Variants in MED16 observed in about 807,000 individuals in gnomAD.
MED16 encodes mediator of RNA polymerase II transcription subunit 16.
Under a neutral mutation model 84.4 loss-of-function variants are expected in MED16, and 81 were observed. The observed-to-expected ratio is 0.96, with a 90% CI of 0.80 to 1.15. The LOEUF is 1.15. MED16 is among the 50% of genes most tolerant of loss of function. MED16 has a pLI of 0.00. For synonymous variants in MED16, 897 were observed against 552.2 expected (o/e 1.62, Z -8.76); for missense variants, 1,585 against 1,245.9 (o/e 1.27, Z -4.10).
At chr19:873,718 G>A (rs1029273116) in intron 10 of MED16, 136 bp from the exon 11 acceptor site, 2 of 1,047,882 alleles carry the variant, frequency 1.9e-6, no homozygotes, top group East Asian at 5.0e-5. Context: ...CCGGGAACGA[G>A]AAGGGGGCGA....
chr19:872,680 T>A (rs887767110), intron 11 of MED16, among the ~76,000 whole-genome samples: 1 of 150,544 alleles, frequency 6.6e-6, no homozygotes, highest in Non-Finnish European at 1.5e-5. Context: ...GTTGGAGCCC[T>A]GGTCAGGGGC....
intron 7 of MED16, among the ~76,000 whole-genome samples, chr19:880,626 G>A (rs1286197502): frequency 6.6e-6 from 1 of 152,226 alleles, no homozygotes; most frequent in Non-Finnish European, 1.5e-5. Context: ...CCCTGCAGTA[G>A]AGAGGCTGCA....
intron 8 of MED16, among the ~76,000 whole-genome samples, chr19:879,162 A>C: frequency 9.0e-6 from 1 of 111,512 alleles, no homozygotes; most frequent in African/African-American, 3.6e-5. Context: ...GTGCCCCAGC[A>C]GCTCGCCTTC....
chr19:871,303 C>A lies in MED16; in HGVS notation c.2099-50G>T, dbSNP rs772624083. On this transcript the variant is annotated intron_variant, in intron 12 of 15. Coordinates refer to ENST00000325464, the MANE Select transcript of MED16 (RefSeq NM_005481.3). The stretch of plus-strand genomic sequence containing the variant: ...TCAGCACCCCTGACTGGGGCACCGC[C>A]CGGCCACCCGGGACGTGCTGGGAGC... 99 of 1,492,074 alleles carry A rather than the reference C, an allele frequency of 6.6e-5. No individual in the cohort carries two copies. The South Asian group carries it at 1.2e-3, about 18-fold the overall frequency. 92.4% of individuals were successfully genotyped at this position (1,492,074 alleles called of 1,614,324 possible). A position where few individuals can be genotyped will look rare whatever the true frequency, so the allele number is the denominator to read the frequency against.
chr19:872,179 G>A lies in MED16; in HGVS notation c.1906-61C>T, dbSNP rs533543556. The A allele has an allele frequency of 9.5e-5, 139 of 1,457,694 alleles. 2 individuals are homozygous for A. The South Asian group carries it at 1.1e-3, about 12-fold the overall frequency. 90.3% of individuals were successfully genotyped at this position (1,457,694 alleles called of 1,614,324 possible). A position where few individuals can be genotyped will look rare whatever the true frequency, so the allele number is the denominator to read the frequency against. On this transcript the variant is annotated intron_variant, in intron 11 of 15. Transcript: ENST00000325464. ...GGGGGGCAGATGGCGATGGGATGAA[G>A]TGTCTTGGGGTCGGTGGAACCCCGA...
At chr19:889,990 G>A in intron 3 of MED16, 147 bp downstream of exon 3, 1 of 829,898 alleles carries the variant, frequency 1.2e-6, no homozygotes, top group South Asian at 1.7e-5. Context: ...AATGATTCGG[G>A]CCACTATGGA....
chr19:876,893 CGGGGCCCCACCTGCCACG>C, intron 9 of MED16, 63 bp downstream of exon 9: 1 of 1,358,010 alleles, frequency 7.4e-7, no homozygotes, highest in South Asian at 1.4e-5. Flanking sequence ...CCACCTGCCA[CGGGGCCCCACCTGCCACG>C]GGGCCCCCAC....
rs746325955 is a variant in MED16 at position 870,621 on chromosome 19, G to C, written c.2315+416C>G. On this transcript the variant is annotated intron_variant, in intron 13 of 15. Transcript: ENST00000325464. ...ATGGAAGGGCTGGGTGCCCGTGTTGGGGGTGGTTCGTGACACAGCAGAAGA... is the reference window on the plus strand; with the variant it reads ...ATGGAAGGGCTGGGTGCCCGTGTTGCGGGTGGTTCGTGACACAGCAGAAGA... Among the ~76,000 whole-genome samples, 9 of 151,894 alleles carry C rather than the reference G, an allele frequency of 5.9e-5. 1 individual carries two copies. Among genetic ancestry groups the C allele is most frequent in the Admixed American group, 5.9e-4 (9 of 15,246 alleles).
At chr19:871,523 T>A in intron 12 of MED16, 1 of 1,562,130 alleles carries the variant, frequency 6.4e-7, no homozygotes, top group South Asian at 1.2e-5. Context: ...CTGTGCCTTT[T>A]CCAGACACTG....
chr19:868,785 G>C (rs372479505), intron 14 of MED16, 78 bp downstream of exon 14: 74 of 1,427,084 alleles, frequency 5.2e-5, no homozygotes, highest in Admixed American at 6.4e-5. Flanking sequence ...CGTCTGGAGC[G>C]CTGGGTGGGG....
intron 11 of MED16, among the ~76,000 whole-genome samples, 154 bp from the exon 12 acceptor site, chr19:872,272 TG>T (rs1403185055): frequency 2.0e-5 from 3 of 151,552 alleles, no homozygotes; most frequent in Non-Finnish European, 4.4e-5. Flanking sequence ...TGGCACCGAG[TG>T]GGTGGATGCC....
chr19:886,430 G>A (rs2036529724), intron 4 of MED16, among the ~76,000 whole-genome samples: 1 of 152,250 alleles, frequency 6.6e-6, no homozygotes, highest in African/African-American at 2.4e-5. Flanking sequence ...AGGACAGTGG[G>A]GAGGATTAAA....
intron 13 of MED16, among the ~76,000 whole-genome samples, chr19:870,564 G>C (rs1369723325): frequency 2.5e-5 from 2 of 80,476 alleles, no homozygotes; most frequent in East Asian, 2.4e-4. Flanking sequence ...CTGTCGGGGA[G>C]ACAAAAAAAA....
At chr19:876,876 G>T (rs996917816) in intron 9 of MED16, 98 bp downstream of exon 9, 20 of 1,256,154 alleles carry the variant, frequency 1.6e-5, no homozygotes, top group Non-Finnish European at 2.0e-5. Flanking sequence ...CACCTGCCAC[G>T]GGGCCCCCAC....
rs543948341 is a variant in MED16 at position 891,469 on chromosome 19, G to A, written c.-18-320C>T. 7.4e-4 allele frequency among the ~76,000 whole-genome samples: 112 copies of A among 152,330 alleles called. No individual in the cohort carries two copies. In the Middle Eastern group the frequency reaches 0.01, roughly 14 times the overall value. ...CAAGGGCACAGCCGGGAGACGCAGC[G>A]GAGGGTCTGCGCTGGCCCAGGTGAG... is the stretch of plus-strand genomic sequence containing the variant. On this transcript the variant is annotated intron_variant, in intron 1 of 15. Coordinates refer to ENST00000325464, the MANE Select transcript of MED16 (RefSeq NM_005481.3).
chr19:887,327 G>A (rs2036546825), intron 4 of MED16, among the ~76,000 whole-genome samples: 1 of 152,152 alleles, frequency 6.6e-6, no homozygotes, highest in African/African-American at 2.4e-5. Flanking sequence ...TGGCATGTCT[G>A]AGACTATGTT....
intron 9 of MED16, among the ~76,000 whole-genome samples, chr19:876,253 C>T (rs2036226186): frequency 6.6e-6 from 1 of 152,110 alleles, no homozygotes; most frequent in South Asian, 2.1e-4. Flanking sequence ...GATCTGAGGT[C>T]CTTCGAGGAC....
Position 886,119 on chromosome 19 carries a change from T to C in MED16, c.530A>G (p.Glu177Gly). ...GCTGACCGTCACCGCGATCCAGCCC[T>C]CCATGGGCTTGCCGCCGAACAGCGT... Reference protein sequence around the residue: ...SLTLFGGKPMEGWIAVTVSGL... With the variant: ...SLTLFGGKPMGGWIAVTVSGL... Residue 177 changes from glutamate to glycine, a missense_variant, in exon 5 of 16, where the codon GAG (glutamate) becomes GGG (glycine). Glu to Gly is a moderately conservative substitution (Grantham distance 98). Transcript: ENST00000325464. 6.3e-7 allele frequency: 1 copy of C among 1,576,804 alleles called. No individual in the cohort carries two copies.
Position 868,237 on chromosome 19 carries a change from C to G in MED16, c.2498G>C (p.Arg833Pro), listed in dbSNP as rs748410169. ...WIKNCLAVEG[R>P]GPDACVTSRA... Reference sequence around the variant, plus strand: ...GCTGGTCACGCAGGCGTCCGGCCCACGGCCTTCAACAGCCCTGCAGGGCGG... The same window carrying G: ...GCTGGTCACGCAGGCGTCCGGCCCAGGGCCTTCAACAGCCCTGCAGGGCGG... Residue 833 changes from arginine to proline, a missense_variant, in exon 16 of 16, where the codon CGT (arginine) becomes CCT (proline). Arg to Pro is a moderately radical substitution (Grantham distance 103). Transcript: ENST00000325464. 5.0e-6 allele frequency: 8 copies of G among 1,595,512 alleles called. No homozygotes were observed. The Admixed American group carries it at 8.8e-5, about 18-fold the overall frequency.
Sources: allele counts gnomAD v4.1 joint callset (sites outside exome capture counted in the v4.1 genomes callset), GRCh38; gene constraint gnomAD v4.1.1; transcripts MANE v1.5; gene names NCBI Gene and HGNC (gene_info 2026-07-23, HGNC 2026-07-21).